Variants in CDC40 observed in about 807,000 individuals in gnomAD.
CDC40 encodes the protein cell division cycle 40.
Under a neutral mutation model 80.6 loss-of-function variants are expected in CDC40, and 27 were observed. The observed-to-expected ratio is 0.33, with a 90% confidence interval of 0.25 to 0.46. The LOEUF (loss-of-function observed/expected upper bound fraction) is 0.46, where lower values mean the gene tolerates loss of function less well. CDC40 is among the 20% of genes least tolerant of loss of function. The pLI, the probability that CDC40 is intolerant of heterozygous loss-of-function variation, is 1.00. For missense variants in CDC40, 486 were observed against 694.1 expected (o/e 0.70, Z 3.37); for synonymous variants, 221 against 232.6 (o/e 0.95, Z 0.45).
Position 110,213,167 on chromosome 6 carries a change from T to C in CDC40, c.942+7T>C. ...CATGGACTGTAAAATTAAGGTGAGT[T>C]TTCAGTAACAGAGTAGGAGTGCTGC... On this transcript the variant is annotated splice_region_variant and intron_variant, in intron 8 of 14. Coordinates refer to ENST00000307731, the MANE Select transcript of CDC40 (RefSeq NM_015891.3). 6.5e-7 allele frequency: 1 copy of C among 1,544,444 alleles called. No individual in the cohort carries two copies. Among genetic ancestry groups the C allele is most frequent in the Non-Finnish European group, 9.0e-7 (1 of 1,116,558 alleles).
At chr6:110,210,627 T>G in intron 5 of CDC40, 80 bp from the exon 6 acceptor site, 1 of 569,634 alleles carries the variant, frequency 1.8e-6, no homozygotes, top group Non-Finnish European at 2.8e-6. Flanking sequence ...TAGAAGTCAT[T>G]ATAAAGAATT....
At chr6:110,220,727 G>A (rs148711748) in intron 12 of CDC40, among the ~76,000 whole-genome samples, 6 of 152,180 alleles carry the variant, frequency 3.9e-5, no homozygotes, top group Non-Finnish European at 5.9e-5. Flanking sequence ...TTACAGGCGT[G>A]AGCCACTGCA....
Position 110,219,280 on chromosome 6 carries a change from A to G in CDC40, c.1091-84A>G, listed in dbSNP as rs184464522. On this transcript the variant is annotated intron_variant, in intron 10 of 14. Transcript: ENST00000307731. ...AGCCCTTCCTCAAAATGTATTAAGCAGGTGACCTCTAGATCTTAATCTCAC... is the reference window on the plus strand; with the variant it reads ...AGCCCTTCCTCAAAATGTATTAAGCGGGTGACCTCTAGATCTTAATCTCAC... 6.3e-4 allele frequency: 383 copies of G among 607,522 alleles called. 7 individuals are homozygous for G. In the South Asian group the frequency reaches 8.0e-3, roughly 13 times the overall value. The allele number at this position is 607,522 out of a possible 1,614,324, so 37.6% of individuals were successfully genotyped here.
intron 12 of CDC40, among the ~76,000 whole-genome samples, chr6:110,223,883 A>G (rs1353222944): frequency 6.6e-6 from 1 of 152,044 alleles, no homozygotes; most frequent in African/African-American, 2.4e-5. Flanking sequence ...CCCAGGCTGG[A>G]GTGCAGTGGC....
intron 1 of CDC40, among the ~76,000 whole-genome samples, chr6:110,192,788 A>G (rs937909469): frequency 6.6e-6 from 1 of 152,206 alleles, no homozygotes; most frequent in Non-Finnish European, 1.5e-5. Flanking sequence ...CCAGTACCCA[A>G]CCAAGTGCAA....
chr6:110,191,901 A>G (rs1298970315), intron 1 of CDC40, among the ~76,000 whole-genome samples: 2 of 152,218 alleles, frequency 1.3e-5, no homozygotes, highest in African/African-American at 2.4e-5. Flanking sequence ...TAATTTCTTT[A>G]CAATTTTTAA....
chr6:110,200,542 T>C (rs1172690726), intron 2 of CDC40, among the ~76,000 whole-genome samples: 1 of 152,224 alleles, frequency 6.6e-6, no homozygotes, highest in Non-Finnish European at 1.5e-5. Flanking sequence ...AGTTGGATTT[T>C]CCCAGTACCT....
chr6:110,207,415 G>T, intron 3 of CDC40, 91 bp from the exon 4 acceptor site: 1 of 649,550 alleles, frequency 1.5e-6, no homozygotes, highest in Non-Finnish European at 2.7e-6. Context: ...ATCTGGGAAA[G>T]AAAATGTGAA....
chr6:110,210,236 T>C (rs1409631700), intron 5 of CDC40, among the ~76,000 whole-genome samples: 2 of 151,798 alleles, frequency 1.3e-5, no homozygotes, highest in African/African-American at 4.8e-5. Flanking sequence ...CATTTCATAA[T>C]TTGTGGAAGA....
intron 5 of CDC40, 133 bp downstream of exon 5, chr6:110,209,356 GA>G: frequency 1.6e-6 from 1 of 612,120 alleles, no homozygotes; most frequent in Non-Finnish European, 2.9e-6. Context: ...TTAGTTGATT[GA>G]AAATATACAA....
intron 1 of CDC40, among the ~76,000 whole-genome samples, chr6:110,184,428 A>G (rs1443821704): frequency 7.0e-6 from 1 of 143,286 alleles, no homozygotes; most frequent in Non-Finnish European, 1.5e-5. Flanking sequence ...CTCTGTATCA[A>G]AATCTTGTAC....
chr6:110,181,649 A>AG (rs1287582840), intron 1 of CDC40, among the ~76,000 whole-genome samples: 2 of 152,228 alleles, frequency 1.3e-5, no homozygotes, highest in African/African-American at 4.8e-5. Flanking sequence ...TCCAAACTTA[A>AG]GCCCCTCCAG....
intron 1 of CDC40, among the ~76,000 whole-genome samples, chr6:110,189,098 G>A (rs1777312750): frequency 6.6e-6 from 1 of 152,054 alleles, no homozygotes; most frequent in African/African-American, 2.4e-5. Flanking sequence ...ATTGTTCATT[G>A]TGGTTACTTT....
intron 1 of CDC40, among the ~76,000 whole-genome samples, chr6:110,184,273 T>A (rs907127129): frequency 2.0e-5 from 3 of 152,208 alleles, no homozygotes; most frequent in Non-Finnish European, 4.4e-5. Context: ...AGAATTAAGT[T>A]GGAAAGTTCT....
At chr6:110,200,435 G>A (rs1225599938) in intron 2 of CDC40, among the ~76,000 whole-genome samples, 1 of 150,760 alleles carries the variant, frequency 6.6e-6, no homozygotes, top group East Asian at 2.0e-4. Flanking sequence ...TCATGACGGT[G>A]GGTCTTACAG....
chr6:110,197,317 TAAC>T (rs932835901), intron 2 of CDC40, among the ~76,000 whole-genome samples: 1 of 152,216 alleles, frequency 6.6e-6, no homozygotes, highest in Non-Finnish European at 1.5e-5. Context: ...ATTTTTTAAT[TAAC>T]AAAAATTGTA....
intron 12 of CDC40, among the ~76,000 whole-genome samples, chr6:110,222,426 A>G (rs9481045): frequency 0.27 from 41,672 of 151,800 alleles, 7,113 homozygotes; most frequent in African/African-American, 0.49. Context: ...GCGTGGTGGC[A>G]GGCGCGTGTA....
At chr6:110,208,113 A>G (rs1473889902) in intron 4 of CDC40, among the ~76,000 whole-genome samples, 2 of 152,224 alleles carry the variant, frequency 1.3e-5, no homozygotes, top group Admixed American at 6.5e-5. Flanking sequence ...CACAAGCCTC[A>G]TCAGTCCATT....
Position 110,231,323 on chromosome 6 carries a change from A to C in CDC40, c.*1192A>C, listed in dbSNP as rs572157666. The C allele has an allele frequency of 1.6e-4, 24 of 152,344 alleles. No individual in the cohort carries two copies. Among genetic ancestry groups the C allele is most frequent in the African/African-American group, 4.3e-4 (18 of 41,580 alleles). 9.4% of individuals were successfully genotyped at this position (152,344 alleles called of 1,614,324 possible). A position where few individuals can be genotyped will look rare whatever the true frequency, so the allele number is the denominator to read the frequency against. On this transcript the variant is annotated 3_prime_UTR_variant, in exon 15 of 15. Transcript: ENST00000307731. The stretch of plus-strand genomic sequence containing the variant: ...AAGACCAGCCTGGCCAACATAGTGA[A>C]ACCCCGTCTCTACTAAAAACACAAA...
Sources: allele counts gnomAD v4.1 joint callset (sites outside exome capture counted in the v4.1 genomes callset), GRCh38; gene constraint gnomAD v4.1.1; transcripts MANE v1.5; gene names NCBI Gene and HGNC (gene_info 2026-07-23, HGNC 2026-07-21).